Variants in NTRK3 observed in about 807,000 individuals in gnomAD.
The protein encoded by NTRK3 is neurotrophic receptor tyrosine kinase 3.
Under a neutral mutation model 91.7 loss-of-function variants are expected in NTRK3, and 24 were observed. That is an observed-to-expected ratio of 0.26 (90% confidence interval 0.19 to 0.37). The LOEUF (loss-of-function observed/expected upper bound fraction) is 0.37. NTRK3 is among the 10% of genes least tolerant of loss of function. The probability of loss-of-function intolerance (pLI) is 1.00; values close to 1 mark genes in which losing one functional copy is unlikely to be tolerated. For missense variants in NTRK3, 880 were observed against 1,068.9 expected, an observed-to-expected ratio of 0.82 and a Z score of 2.46; for synonymous variants, 483 against 404.0, an observed-to-expected ratio of 1.20 and a Z score of -2.34.
intron 5 of NTRK3, among the ~76,000 whole-genome samples, chr15:88,175,054 G>A (rs766603714): frequency 8.5e-5 from 13 of 152,264 alleles, no homozygotes; most frequent in South Asian, 6.2e-4. Context: ...AAAAGAATTG[G>A]GTAATAGATT....
intron 17 of NTRK3, among the ~76,000 whole-genome samples, chr15:87,914,564 T>G (rs1435625599): frequency 1.3e-5 from 2 of 152,248 alleles, no homozygotes; most frequent in African/African-American, 2.4e-5. Context: ...GTAACTTTTA[T>G]TAAGCATTTT....
intron 13 of NTRK3, among the ~76,000 whole-genome samples, chr15:88,081,656 G>T (rs1044769866): frequency 1.3e-5 from 2 of 152,170 alleles, no homozygotes; most frequent in African/African-American, 2.4e-5. Context: ...TTCCTTCTGA[G>T]CCCCCAGAAT....
intron 17 of NTRK3, among the ~76,000 whole-genome samples, chr15:87,918,972 TC>T (rs759984504): frequency 6.6e-6 from 1 of 152,018 alleles, no homozygotes; most frequent in Non-Finnish European, 1.5e-5. Flanking sequence ...TCAGTCCCAG[TC>T]CAGGAAAAAA....
At chr15:87,975,739 C>T (rs993125809) in intron 14 of NTRK3, among the ~76,000 whole-genome samples, 1 of 152,186 alleles carries the variant, frequency 6.6e-6, no homozygotes, top group Non-Finnish European at 1.5e-5. Context: ...GCCCAGCAAC[C>T]TTTCCATAGA....
intron 14 of NTRK3, among the ~76,000 whole-genome samples, chr15:87,968,543 A>G (rs1465147302): frequency 6.6e-6 from 1 of 152,222 alleles, no homozygotes; most frequent in Admixed American, 6.5e-5. Flanking sequence ...AAACAGGTCT[A>G]GGAAAGAAAC....
At chr15:87,866,677 C>T (rs1247878709) in exon 19 of NTRK3, 2 of 190,108 alleles carry the variant, frequency 1.1e-5, no homozygotes, top group East Asian at 8.3e-5. Flanking sequence ...TTTGGTCTTC[C>T]AGCTCCTTCA....
chr15:87,866,055 G>A (rs948281175), exon 19 of NTRK3: 1 of 230,454 alleles, frequency 4.3e-6, no homozygotes, highest in African/African-American at 2.2e-5. Context: ...AGTTCACAGA[G>A]TATGTTAACA....
chr15:88,078,193 G>T (rs2047723743), intron 13 of NTRK3, among the ~76,000 whole-genome samples: 1 of 152,192 alleles, frequency 6.6e-6, no homozygotes, highest in Non-Finnish European at 1.5e-5. Flanking sequence ...CTTAGCATGG[G>T]CTCAGGGTCT....
At chr15:87,908,352 C>T (rs1244796751) in intron 17 of NTRK3, 24 of 395,976 alleles carry the variant, frequency 6.1e-5, no homozygotes, top group East Asian at 1.1e-4. Flanking sequence ...TGATGCTCCA[C>T]GGTGGGAGGC....
intron 13 of NTRK3, among the ~76,000 whole-genome samples, chr15:88,070,467 G>A (rs2150535723): frequency 6.6e-6 from 1 of 152,250 alleles, no homozygotes. Context: ...GTGGTGAAAG[G>A]AGCAGAGAAA....
At chr15:87,876,192 C>T (rs760273226) in exon 19 of NTRK3, 14 of 233,406 alleles carry the variant, frequency 6.0e-5, no homozygotes, top group Non-Finnish European at 1.1e-4. Context: ...AGGATGGATG[C>T]TGTCAGCTCT....
chr15:88,235,810 A>AC lies in NTRK3; in HGVS notation c.248+20095dup, dbSNP rs1265219418. Among the ~76,000 whole-genome samples the AC allele has an allele frequency of 6.6e-6, 1 of 151,986 alleles. No individual in the cohort carries two copies. Among genetic ancestry groups the AC allele is most frequent in the Non-Finnish European group, 1.5e-5 (1 of 67,988 alleles). ...CAAGAAGCTGTGCACCACAACAGGA[A>AC]CCCCCCTGGGGCTTTGAGTCAAACA... is the stretch of plus-strand genomic sequence containing the variant. On this transcript the variant is annotated intron_variant, in intron 3 of 18. Transcript: ENST00000394480. This position sits in a 1 kb window ranked among gnomAD's most constrained non-coding sequence, Gnocchi z 5.2.
chr15:87,948,712 A>C lies in NTRK3; in HGVS notation c.1586-7959T>G, dbSNP rs187911003. On this transcript the variant is annotated intron_variant, in intron 14 of 18. Coordinates refer to ENST00000394480, the Ensembl canonical transcript of NTRK3. ...CAAAAATAAATAAATAAAATAAAAA[A>C]TAAAAATGATTAGTCAAATGGGGTA... Among the ~76,000 whole-genome samples, 303 of 152,310 alleles carry C rather than the reference A, an allele frequency of 2.0e-3. 2 individuals carry two copies. The highest frequency in any genetic ancestry group is 6.9e-3 in the African/African-American group (285 of 41,576).
chr15:88,058,235 G>A (rs1021463183), intron 13 of NTRK3, among the ~76,000 whole-genome samples: 3 of 152,180 alleles, frequency 2.0e-5, no homozygotes, highest in East Asian at 1.9e-4. Context: ...CCAGGACTAC[G>A]ACGTCAGACA....
At chr15:88,021,675 G>A (rs1338434756) in intron 14 of NTRK3, among the ~76,000 whole-genome samples, 1 of 152,144 alleles carries the variant, frequency 6.6e-6, no homozygotes, top group East Asian at 1.9e-4. Context: ...GAAGATGGAA[G>A]AGCAGTTGTA....
intron 13 of NTRK3, among the ~76,000 whole-genome samples, chr15:88,109,320 GAGA>G (rs2051067506): frequency 1.3e-5 from 2 of 152,184 alleles, no homozygotes; most frequent in African/African-American, 4.8e-5. Context: ...GCAGGAGGGA[GAGA>G]AGAGGGGACA....
intron 13 of NTRK3, among the ~76,000 whole-genome samples, chr15:88,043,172 T>C (rs2079823997): frequency 6.6e-6 from 1 of 152,122 alleles, no homozygotes; most frequent in Non-Finnish European, 1.5e-5. Context: ...AAAACAAGCA[T>C]CCTGGAGGGA....
At chr15:88,119,823 T>G (rs1349261641) in intron 13 of NTRK3, among the ~76,000 whole-genome samples, 1 of 152,246 alleles carries the variant, frequency 6.6e-6, no homozygotes, top group Non-Finnish European at 1.5e-5. Context: ...TGTAGTCAAA[T>G]AAGTGTATTG....
chr15:88,065,998 T>G (rs530930856), intron 13 of NTRK3, among the ~76,000 whole-genome samples: 4 of 152,360 alleles, frequency 2.6e-5, no homozygotes, highest in South Asian at 2.1e-4. Flanking sequence ...CATCTGGGCC[T>G]TATGACATTT....
Sources: gnomAD v4.1 joint callset for allele counts (sites outside exome capture counted in the v4.1 genomes callset) on GRCh38, gnomAD v4.1.1 for gene constraint, Gnocchi (gnomAD v3.1) non-coding constraint, MANE v1.5 for transcripts, NCBI Gene and HGNC (gene_info 2026-07-23, HGNC 2026-07-21) for gene names.